MYO9A: variants seen among roughly 807,000 people sequenced by gnomAD.
MYO9A encodes the protein myosin IXA, also known as unconventional myosin-IXa.
MYO9A carries 103 observed loss-of-function variants against 293.3 expected under a neutral mutation model. That is an observed-to-expected ratio of 0.35 (90% CI 0.30 to 0.41). The LOEUF is 0.41. Among genes scored for constraint, MYO9A ranks in the 10% least tolerant of loss-of-function variants. The pLI, the probability that MYO9A is intolerant of heterozygous loss-of-function variation, is 1.00. For missense variants in MYO9A, 2,685 were observed against 3,033.0 expected, an observed-to-expected ratio of 0.89 and a Z score of 2.69; for synonymous variants, 1,001 against 1,035.7, an observed-to-expected ratio of 0.97 and a Z score of 0.64.
chr15:72,015,817 A>G (rs554577268), intron 6 of MYO9A, among the ~76,000 whole-genome samples: 2 of 151,008 alleles, frequency 1.3e-5, no homozygotes, highest in Admixed American at 1.3e-4. Flanking sequence ...CCTCCTGAGT[A>G]GCTGGGACTA....
chr15:72,023,223 A>G (rs541273169), intron 4 of MYO9A, among the ~76,000 whole-genome samples: 1 of 152,358 alleles, frequency 6.6e-6, no homozygotes, highest in African/African-American at 2.4e-5. Flanking sequence ...ACTTGAAGAA[A>G]AAATCAACAA....
At chr15:71,970,700 T>A (rs953142812) in intron 12 of MYO9A, among the ~76,000 whole-genome samples, 30 of 152,158 alleles carry the variant, frequency 2.0e-4, no homozygotes, top group Non-Finnish European at 4.3e-4. Context: ...CGCTGACAGA[T>A]GATGCAAAGT....
chr15:72,109,541 T>C (rs910893188), intron 1 of MYO9A, among the ~76,000 whole-genome samples: 1 of 151,744 alleles, frequency 6.6e-6, no homozygotes, highest in African/African-American at 2.4e-5. Context: ...TATAAAACAA[T>C]AGGGGAGGGA....
intron 11 of MYO9A, among the ~76,000 whole-genome samples, chr15:71,981,511 T>G (rs2076270297): frequency 6.6e-6 from 1 of 152,230 alleles, no homozygotes; most frequent in African/African-American, 2.4e-5. Flanking sequence ...AAAGCTCTTT[T>G]GTTCGTATCA....
At chr15:72,047,571 T>C (rs2078424131) in intron 1 of MYO9A, among the ~76,000 whole-genome samples, 1 of 152,096 alleles carries the variant, frequency 6.6e-6, no homozygotes, top group South Asian at 2.1e-4. Flanking sequence ...TCTTATTCCA[T>C]TCCTGTCTTC....
In MYO9A at chr15:71,991,177, C is replaced by A; in HGVS notation, c.1648G>T (p.Glu550Ter). The change falls in exon 11 of 42, where the codon GAA becomes TAA. Residue 550 changes from glutamate to a stop codon, truncating the protein, a stop_gained. Coordinates refer to ENST00000356056, the MANE Select transcript of MYO9A (RefSeq NM_006901.4). LOFTEE classifies it high-confidence loss of function. Reference sequence around the variant, plus strand: ...TTAGCAAAATTAATACAGAACTGTTCAAAGCTGTTATTTTCATAATCTTCA... The same window carrying A: ...TTAGCAAAATTAATACAGAACTGTTAAAAGCTGTTATTTTCATAATCTTCA... ...GFEDYENNSFEQFCINFANER... is the reference protein window; with the variant it reads ...GFEDYENNSF 6.2e-7 allele frequency: 1 copy of A among 1,608,634 alleles called. No individual in the cohort carries two copies. The highest frequency in any genetic ancestry group is 1.1e-5 in the South Asian group (1 of 89,996).
chr15:71,936,354 G>A (rs1029675348), intron 16 of MYO9A, among the ~76,000 whole-genome samples: 59 of 152,084 alleles, frequency 3.9e-4, no homozygotes, highest in Non-Finnish European at 2.9e-5. Context: ...AGAGAGGTTG[G>A]TCAATGGGTA....
intron 1 of MYO9A, among the ~76,000 whole-genome samples, chr15:72,088,206 T>C (rs1319294196): frequency 6.6e-6 from 1 of 152,240 alleles, no homozygotes; most frequent in Non-Finnish European, 1.5e-5. Context: ...TATTTTGTTA[T>C]GGCAGCCCCA....
In MYO9A at chr15:71,825,569, A is replaced by AATGT. The variant is rs1270262244; in HGVS notation, c.*1007_*1010dup. On this transcript the variant is annotated 3_prime_UTR_variant, in exon 42 of 42. Coordinates refer to ENST00000356056, the MANE Select transcript of MYO9A (RefSeq NM_006901.4). ...ACTTATTCATGCAATATTGTATGTG[A>AATGT]ATGTTTTTGGAAACTAACTAAACGG... The AATGT allele has an allele frequency of 6.6e-6, 1 of 152,192 alleles. No homozygotes were observed. The highest frequency in any genetic ancestry group is 1.9e-4 in the East Asian group (1 of 5,204). 9.4% of individuals were successfully genotyped at this position (152,192 alleles called of 1,614,324 possible).
At chr15:71,980,112 C>T (rs1197778844) in intron 11 of MYO9A, among the ~76,000 whole-genome samples, 1 of 152,100 alleles carries the variant, frequency 6.6e-6, no homozygotes, top group African/African-American at 2.4e-5. Context: ...TCCCACAACA[C>T]TGGGATTATA....
intron 16 of MYO9A, 93 bp from the exon 17 acceptor site, chr15:71,935,577 A>T (rs2058618501): frequency 7.9e-7 from 1 of 1,262,306 alleles, no homozygotes; most frequent in Non-Finnish European, 1.1e-6. Flanking sequence ...ACTAAAGTTA[A>T]AATTTAGAAA....
chr15:71,942,294 G>A (rs1485998958), intron 15 of MYO9A, among the ~76,000 whole-genome samples: 3 of 151,966 alleles, frequency 2.0e-5, no homozygotes, highest in Non-Finnish European at 4.4e-5. Flanking sequence ...ACCTAAAGGA[G>A]GTGGGAAAAT....
intron 11 of MYO9A, among the ~76,000 whole-genome samples, chr15:71,986,090 A>G (rs919643451): frequency 3.3e-5 from 5 of 152,238 alleles, no homozygotes; most frequent in African/African-American, 1.2e-4. Flanking sequence ...CCACATTTGT[A>G]GATCCAACCG....
rs560489693 is a variant in MYO9A at position 71,933,652 on chromosome 15, A to G, written c.2562+18T>C. 25 of 1,598,514 alleles carry G rather than the reference A, an allele frequency of 1.6e-5. No homozygotes were observed. The South Asian group carries it at 2.6e-4, about 17-fold the overall frequency. On this transcript the variant is annotated intron_variant, in intron 18 of 41. Transcript: ENST00000356056. ...TGTAGCAGAATACCAATACAAAAAAAGTTTTCATAGTACTCACCTTTGGAA... is the reference window on the plus strand; with the variant it reads ...TGTAGCAGAATACCAATACAAAAAAGGTTTTCATAGTACTCACCTTTGGAA...
At chr15:71,937,049 G>A (rs2058662114) in intron 16 of MYO9A, among the ~76,000 whole-genome samples, 1 of 149,078 alleles carries the variant, frequency 6.7e-6, no homozygotes, top group South Asian at 2.2e-4. Flanking sequence ...GGGAGGGAGG[G>A]AGGGAGAGGG....
chr15:71,829,799 G>C (rs1172482832), intron 40 of MYO9A, among the ~76,000 whole-genome samples: 1 of 152,038 alleles, frequency 6.6e-6, no homozygotes, highest in Admixed American at 6.6e-5. Flanking sequence ...CACTGTTACT[G>C]CTAGATGAAT....
At chr15:71,836,662 T>G (rs1007696227) in intron 39 of MYO9A, among the ~76,000 whole-genome samples, 6 of 152,008 alleles carry the variant, frequency 3.9e-5, no homozygotes, top group African/African-American at 1.4e-4. Context: ...AAAATATGAA[T>G]AAGTCTTACA....
chr15:71,926,813 C>T (rs549960580), intron 18 of MYO9A, among the ~76,000 whole-genome samples: 1 of 152,296 alleles, frequency 6.6e-6, no homozygotes, highest in African/African-American at 2.4e-5. Context: ...GACAGCCTGG[C>T]CCTCAGACCC....
In MYO9A at chr15:71,888,099, C is replaced by T. The variant is rs148060237; in HGVS notation, c.5160G>A (p.Ser1720=). ...GAAGTTTTGCTTGTTCATCAACTGA[C>T]GAAAATCGCTGTGATGTCTGTAATA... ...PGQRETSQRF[S]SVDEQAKLHK... Residue 1720 remains serine, a synonymous_variant, in exon 27 of 42, where the codon TCG becomes TCA. Transcript: ENST00000356056. The T allele has an allele frequency of 0.021, 34,305 of 1,601,356 alleles. 443 individuals are homozygous for T. The highest frequency in any genetic ancestry group is 0.025 in the Non-Finnish European group (28,867 of 1,171,410).
Sources: allele counts gnomAD v4.1 joint callset (sites outside exome capture counted in the v4.1 genomes callset), GRCh38; gene constraint gnomAD v4.1.1; transcripts MANE v1.5; gene names NCBI Gene and HGNC (gene_info 2026-07-23, HGNC 2026-07-21).